DDX56: variants seen among roughly 807,000 people sequenced by gnomAD.
DDX56 encodes the protein probable ATP-dependent RNA helicase DDX56.
Under a neutral mutation model 61.5 loss-of-function variants are expected in DDX56, and 45 were observed. The observed-to-expected ratio is 0.73, with a 90% CI of 0.58 to 0.94. The LOEUF (loss-of-function observed/expected upper bound fraction) is 0.94. DDX56 is among the 40% of genes least tolerant of loss of function. The pLI is 0.00. For missense variants in DDX56, 708 were observed against 690.7 expected (o/e 1.02, Z -0.28); for synonymous variants, 273 against 268.3 (o/e 1.02, Z -0.17).
intron 12 of DDX56, among the ~76,000 whole-genome samples, chr7:44,567,133 G>C (rs535484740): frequency 6.9e-6 from 1 of 144,620 alleles, no homozygotes; most frequent in East Asian, 2.3e-4. Flanking sequence ...CTCAGGCCAG[G>C]ACCTGGACTG....
intron 12 of DDX56, 89 bp downstream of exon 12, chr7:44,568,029 A>G (rs1802584599): frequency 9.5e-7 from 1 of 1,048,954 alleles, no homozygotes; most frequent in East Asian, 2.5e-5. Context: ...GAGCATCCCC[A>G]GCACCAAGCA....
chr7:44,571,788 A>G, intron 5 of DDX56, 52 bp from the exon 6 acceptor site: 1 of 1,602,628 alleles, frequency 6.2e-7, no homozygotes, highest in Non-Finnish European at 8.5e-7. Flanking sequence ...ACAGAGATGT[A>G]TGGCCACTTA....
At chr7:44,573,532 C>T (rs758614338) in intron 2 of DDX56, 51 bp downstream of exon 2, 1 of 1,595,750 alleles carries the variant, frequency 6.3e-7, no homozygotes, top group Admixed American at 1.7e-5. Context: ...CCGCCCTTCC[C>T]AGGCTTTTGG....
chr7:44,569,077 C>T, intron 10 of DDX56, 53 bp downstream of exon 10: 2 of 1,612,092 alleles, frequency 1.2e-6, no homozygotes, highest in East Asian at 2.2e-5. Flanking sequence ...ACGGTGCAAT[C>T]CCTGGGCCAC....
chr7:44,568,796 G>C (rs1053469877), intron 11 of DDX56, 107 bp downstream of exon 11: 33 of 884,590 alleles, frequency 3.7e-5, no homozygotes, highest in African/African-American at 6.6e-5. Context: ...CGTGCCAAAG[G>C]CCAGAAAACT....
rs904185881 is a variant in DDX56, at chr7:44,566,049, A to T, written c.1597T>A (p.Phe533Ile). 1 of 1,612,698 alleles carries T rather than the reference A, an allele frequency of 6.2e-7. No homozygotes were observed. The highest frequency in any genetic ancestry group is 1.3e-5 in the African/African-American group (1 of 74,886). Residue 533 changes from phenylalanine to isoleucine, a missense_variant, in exon 14 of 14, where the codon TTC (phenylalanine) becomes ATC (isoleucine). Phe to Ile is a conservative substitution (Grantham distance 21, BLOSUM62 0). Coordinates refer to ENST00000258772, the MANE Select transcript of DDX56 (RefSeq NM_019082.4). The stretch of plus-strand genomic sequence containing the variant: ...CTGAATTTCTTTCCTTTGTGCTTGA[A>T]GCTGCGCAGTGGGTTCTGGGACTTT... ...RAKSQNPLRSFKHKGKKFRPT... is the reference protein window; with the variant it reads ...RAKSQNPLRSIKHKGKKFRPT...
In DDX56 at chr7:44,569,145, G is replaced by C; in HGVS notation, c.1278C>G (p.Phe426Leu). 1.2e-6 allele frequency: 2 copies of C among 1,614,128 alleles called. No homozygotes were observed. The highest frequency in any genetic ancestry group is 1.7e-6 in the Non-Finnish European group (2 of 1,180,024). ...YQFRMEEIEG[F>L]RYRCRDAMRS... ...AGCAGCTCACCCTGCAGCGATAGCG[G>C]AAGCCCTCGATCTCCTCCATCCGGA... Residue 426 changes from phenylalanine (F) to leucine (L), a missense_variant, in exon 10 of 14, where the codon TTC becomes TTG. By Grantham distance (22) the Phe-to-Leu change is conservative. Coordinates refer to ENST00000258772, the MANE Select transcript of DDX56 (RefSeq NM_019082.4).
At position 44,573,863 on chromosome 7, in the gene DDX56, G is replaced by A. The variant is rs760327678; in HGVS notation, c.33C>T (p.His11=). 1.9e-6 allele frequency: 3 copies of A among 1,613,350 alleles called. No individual in the cohort carries two copies. The highest frequency in any genetic ancestry group is 2.5e-6 in the Non-Finnish European group (3 of 1,180,012). Residue 11 remains histidine, a synonymous_variant, in exon 1 of 14, where the codon CAC becomes CAT. Transcript: ENST00000258772. MEDSEALGFE[H]MGLDPRLLQA... ...GAAGGAGCCGGGGATCGAGGCCCAT[G>A]TGTTCGAAGCCCAGTGCTTCAGAGT... is the stretch of plus-strand genomic sequence containing the variant.
chr7:44,572,695 T>C lies in DDX56; in HGVS notation c.433A>G (p.Ile145Val), dbSNP rs7789507. The C allele has an allele frequency of 8.7e-4, 1,412 of 1,614,196 alleles. 4 individuals carry two copies. Among genetic ancestry groups the C allele is most frequent in the Non-Finnish European group, 1.2e-3 (1,366 of 1,180,026 alleles). ...PDVVVGTPSRILSHLQQDSLK... is the reference protein window; with the variant it reads ...PDVVVGTPSRVLSHLQQDSLK... ...CTGTCTTGCTGCAAGTGGCTTAATA[T>C]GCGAGATGGGGTCCCTACTACCACA... Residue 145 changes from isoleucine to valine, a missense_variant, in exon 4 of 14, where the codon ATA (isoleucine) becomes GTA (valine). By Grantham distance (29) the Ile-to-Val change is conservative. Transcript: ENST00000258772.
chr7:44,566,477 T>C lies in DDX56; in HGVS notation c.1537A>G (p.Lys513Glu), dbSNP rs1157951806. The C allele has an allele frequency of 1.3e-6, 2 of 1,563,758 alleles. No homozygotes were observed. The highest frequency in any genetic ancestry group is 1.7e-6 in the Non-Finnish European group (2 of 1,153,416). ...GLVRPHKKRK[K>E]LSSSCRKAKR... ...GCCTTCCTACAAGAGGAAGACAGCT[T>C]CTTCCGCTTCTTGTGAGGGCGCACC... The change falls in exon 13 of 14, where the codon AAG (lysine) becomes GAG (glutamate). Residue 513 changes from lysine (K) to glutamate (E), a missense_variant. Physicochemically the swap from Lys to Glu is moderately conservative, Grantham distance 56. Coordinates refer to ENST00000258772, the MANE Select transcript of DDX56 (RefSeq NM_019082.4).
intron 2 of DDX56, 73 bp from the exon 3 acceptor site, chr7:44,573,123 G>T: frequency 7.1e-7 from 1 of 1,403,908 alleles, no homozygotes; most frequent in Non-Finnish European, 9.6e-7. Flanking sequence ...ACCCCTTCCA[G>T]CCTACCTGAC....
At chr7:44,573,487 T>C in intron 2 of DDX56, 96 bp downstream of exon 2, 1 of 1,502,106 alleles carries the variant, frequency 6.7e-7, no homozygotes. Flanking sequence ...CCTGCACGGG[T>C]ACAGGGCCAA....
chr7:44,569,896 G>T lies in DDX56; in HGVS notation c.1132C>A (p.Arg378Ser), dbSNP rs778760578. ...AYIHRAGRTARANNPGIVLTF... is the reference protein window; with the variant it reads ...AYIHRAGRTASANNPGIVLTF... ...AAGACTATGCCTGGGTTGTTAGCGCGTGCTGTCCTGCAAGGGAAGACAGTG... is the reference window on the plus strand; with the variant it reads ...AAGACTATGCCTGGGTTGTTAGCGCTTGCTGTCCTGCAAGGGAAGACAGTG... The change falls in exon 9 of 14, where the codon CGC (arginine) becomes AGC (serine). Residue 378 changes from arginine (R) to serine (S), a missense_variant. Physicochemically the swap from Arg to Ser is moderately radical, Grantham distance 110. Coordinates refer to ENST00000258772, the MANE Select transcript of DDX56 (RefSeq NM_019082.4). The T allele has an allele frequency of 1.9e-6, 3 of 1,611,024 alleles. No individual in the cohort carries two copies. The African/African-American group carries it at 4.0e-5, about 22-fold the overall frequency.
Position 44,572,925 on chromosome 7 carries a change from G to C in DDX56, c.348C>G (p.Ala116=). 1 of 1,605,590 alleles carries C rather than the reference G, an allele frequency of 6.2e-7. No homozygotes were observed. The highest frequency in any genetic ancestry group is 1.1e-5 in the South Asian group (1 of 89,860). The change falls in exon 3 of 14, where the codon GCC becomes GCG. Residue 116 remains alanine, a synonymous_variant. Coordinates refer to ENST00000258772, the MANE Select transcript of DDX56 (RefSeq NM_019082.4). ...CTGAGTCTTCAGCAGCTGAGACATT[G>C]GCCACTCGGACATCCCGAGCACAGT... The part of the protein sequence containing the change: ...ATYCARDVRV[A]NVSAAEDSVS...
intron 4 of DDX56, 36 bp downstream of exon 4, chr7:44,572,538 T>A: frequency 6.2e-7 from 1 of 1,613,574 alleles, no homozygotes; most frequent in South Asian, 1.1e-5. Flanking sequence ...TACTCACAGA[T>A]GTTTCCACTA....
chr7:44,570,561 C>T (rs1802645074), intron 7 of DDX56, among the ~76,000 whole-genome samples, 197 bp downstream of exon 7: 1 of 152,378 alleles, frequency 6.6e-6, no homozygotes, highest in South Asian at 2.1e-4. Context: ...CTTCGTGGTG[C>T]ATGTGCAGTG....
intron 12 of DDX56, among the ~76,000 whole-genome samples, chr7:44,567,076 C>G (rs910407202): frequency 6.6e-6 from 1 of 152,118 alleles, no homozygotes; most frequent in Non-Finnish European, 1.5e-5. Flanking sequence ...AAGTTCTAGC[C>G]TTACCTTCTC....
intron 9 of DDX56, 141 bp from the exon 10 acceptor site, chr7:44,569,344 C>T: frequency 1.3e-6 from 1 of 754,080 alleles, no homozygotes; most frequent in South Asian, 1.8e-5. Flanking sequence ...TGCAGGTTAG[C>T]TGCACCTGGG....
At position 44,572,401 on chromosome 7, in the gene DDX56, T is replaced by C. The variant is rs1802699685; in HGVS notation, c.591A>G (p.Ser197=). 1.9e-6 allele frequency: 3 copies of C among 1,614,002 alleles called. No individual in the cohort carries two copies. The highest frequency in any genetic ancestry group is 2.7e-5 in the African/African-American group (2 of 74,908). ...CTTGTACGTCCTCGTTAAAAGTAGCTGACATGAGAAAAGCCTGGTAAATCC... is the reference window on the plus strand; with the variant it reads ...CTTGTACGTCCTCGTTAAAAGTAGCCGACATGAGAAAAGCCTGGTAAATCC... ...LPRIYQAFLM[S]ATFNEDVQAL... The change falls in exon 5 of 14, where the codon TCA becomes TCG. Residue 197 remains serine (S), a synonymous_variant. Coordinates refer to ENST00000258772, the MANE Select transcript of DDX56 (RefSeq NM_019082.4).
Sources: allele counts gnomAD v4.1 joint callset (sites outside exome capture counted in the v4.1 genomes callset), GRCh38; gene constraint gnomAD v4.1.1; transcripts MANE v1.5; gene names NCBI Gene and HGNC (gene_info 2026-07-23, HGNC 2026-07-21).